WDR41: variants seen among roughly 807,000 people sequenced by gnomAD.
WDR41 encodes the protein WD repeat domain 41, also known as WD repeat-containing protein 41.
Under a neutral mutation model 69.3 loss-of-function variants are expected in WDR41, and 63 were observed. That is an observed-to-expected ratio of 0.91 (90% CI 0.74 to 1.12). The LOEUF (loss-of-function observed/expected upper bound fraction) is 1.12, where lower values mean the gene tolerates loss of function less well. Among genes scored for constraint, WDR41 ranks in the 50% most tolerant of loss-of-function variants. WDR41 has a pLI of 0.00. For synonymous variants in WDR41, 185 were observed against 192.1 expected (o/e 0.96, Z 0.31); for missense variants, 543 against 534.5 (o/e 1.02, Z -0.16).
intron 1 of WDR41, among the ~76,000 whole-genome samples, chr5:77,589,528 A>G (rs1460666010): frequency 6.6e-6 from 1 of 152,118 alleles, no homozygotes; most frequent in Non-Finnish European, 1.5e-5. Flanking sequence ...ATGTCTTCCC[A>G]TTTATTTATG....
At chr5:77,507,859 A>G (rs1464922370) in intron 1 of WDR41, among the ~76,000 whole-genome samples, 2 of 151,912 alleles carry the variant, frequency 1.3e-5, no homozygotes, top group East Asian at 1.9e-4. Flanking sequence ...TCTCTTCTCC[A>G]TTTGGAACTC....
chr5:77,475,173 C>T (rs1190661522), intron 2 of WDR41, among the ~76,000 whole-genome samples: 1 of 152,186 alleles, frequency 6.6e-6, no homozygotes, highest in African/African-American at 2.4e-5. Context: ...CCTACGCCCA[C>T]AGAGTCTCGC....
chr5:77,492,034 G>T, intron 1 of WDR41, 136 bp downstream of exon 1: 1 of 1,133,810 alleles, frequency 8.8e-7, no homozygotes, highest in Non-Finnish European at 1.2e-6. Flanking sequence ...CGTGAGAACA[G>T]CGCGTGGCAC....
At chr5:77,591,924 T>G (rs1343484689) in intron 1 of WDR41, among the ~76,000 whole-genome samples, 1 of 152,162 alleles carries the variant, frequency 6.6e-6, no homozygotes, top group Non-Finnish European at 1.5e-5. Flanking sequence ...ATCTTTTATA[T>G]TTCTACTTAT....
chr5:77,542,239 G>T (rs541073307), intron 1 of WDR41, among the ~76,000 whole-genome samples: 2 of 152,218 alleles, frequency 1.3e-5, no homozygotes, highest in South Asian at 4.1e-4. Context: ...ATGGACACAT[G>T]GGGGAGAAGA....
intron 1 of WDR41, among the ~76,000 whole-genome samples, chr5:77,548,137 T>C (rs1428903713): frequency 2.0e-5 from 3 of 152,194 alleles, no homozygotes; most frequent in Non-Finnish European, 4.4e-5. Context: ...TAACTCAAGA[T>C]GGATTAAGTA....
intron 1 of WDR41, among the ~76,000 whole-genome samples, chr5:77,618,827 G>A (rs1744726007): frequency 6.6e-6 from 1 of 152,222 alleles, no homozygotes; most frequent in Non-Finnish European, 1.5e-5. Flanking sequence ...TGCTTTGTGG[G>A]ACATCAAGGA....
At chr5:77,433,598 T>A (rs1798813698) in intron 12 of WDR41, among the ~76,000 whole-genome samples, 1 of 152,252 alleles carries the variant, frequency 6.6e-6, no homozygotes. Context: ...TTACTTATAC[T>A]GTATAATGGC....
intron 1 of WDR41, among the ~76,000 whole-genome samples, chr5:77,551,923 G>C (rs551107390): frequency 6.6e-6 from 1 of 151,482 alleles, no homozygotes; most frequent in South Asian, 2.1e-4. Flanking sequence ...AGGTTGCAGC[G>C]AGCCGAGATC....
intron 8 of WDR41, among the ~76,000 whole-genome samples, chr5:77,442,497 G>T (rs1237094752): frequency 6.6e-6 from 1 of 152,016 alleles, no homozygotes; most frequent in East Asian, 1.9e-4. Context: ...TTTAATACTG[G>T]ATAGTGGAAA....
At chr5:77,528,845 T>C (rs1442034188) in intron 1 of WDR41, among the ~76,000 whole-genome samples, 2 of 151,598 alleles carry the variant, frequency 1.3e-5, no homozygotes, top group African/African-American at 2.4e-5. Flanking sequence ...ATTATTTTTT[T>C]AAAAAAGAAC....
intron 1 of WDR41, among the ~76,000 whole-genome samples, chr5:77,517,657 T>TATATATATATATACAC (rs1491454629): frequency 8.8e-5 from 12 of 136,656 alleles, no homozygotes; most frequent in African/African-American, 3.3e-4. Flanking sequence ...TATATATATA[T>TATATATATATATACAC]ACCAGGCTAA....
At chr5:77,450,895 GT>G (rs1038136044) in intron 7 of WDR41, among the ~76,000 whole-genome samples, 4 of 152,114 alleles carry the variant, frequency 2.6e-5, no homozygotes, top group African/African-American at 9.7e-5. Context: ...CTCTATCCAG[GT>G]TATTTAATCC....
chr5:77,580,058 T>C (rs557665570), intron 1 of WDR41, among the ~76,000 whole-genome samples: 1 of 150,912 alleles, frequency 6.6e-6, no homozygotes, highest in East Asian at 2.0e-4. Context: ...AATAGAGCTA[T>C]ATAAGAGTAA....
chr5:77,572,660 A>G (rs1455179002), intron 1 of WDR41, among the ~76,000 whole-genome samples: 1 of 152,252 alleles, frequency 6.6e-6, no homozygotes, highest in Non-Finnish European at 1.5e-5. Context: ...CATCCAATGT[A>G]CTGAAAAGTT....
intron 2 of WDR41, among the ~76,000 whole-genome samples, chr5:77,485,403 G>C (rs776529909): frequency 2.6e-5 from 4 of 152,162 alleles, no homozygotes; most frequent in Non-Finnish European, 4.4e-5. Flanking sequence ...GCTATACTGA[G>C]TTTATTTACT....
At chr5:77,567,405 T>C (rs964074744) in intron 1 of WDR41, among the ~76,000 whole-genome samples, 18 of 152,050 alleles carry the variant, frequency 1.2e-4, no homozygotes, top group Non-Finnish European at 2.2e-4. Flanking sequence ...TCTTGGCTTG[T>C]TCACTGTGAT....
At chr5:77,449,612 G>A (rs1388064970) in intron 8 of WDR41, 148 bp downstream of exon 8, 10 of 599,626 alleles carry the variant, frequency 1.7e-5, no homozygotes, top group East Asian at 3.0e-5. Flanking sequence ...CAGCTCCACC[G>A]GCTAAAACTT....
chr5:77,459,683 C>T (rs1028213436), intron 4 of WDR41, among the ~76,000 whole-genome samples: 2 of 152,150 alleles, frequency 1.3e-5, no homozygotes, highest in Non-Finnish European at 2.9e-5. Flanking sequence ...AACTTTTACA[C>T]CATTTCCTAT....
Sources: allele counts gnomAD v4.1 joint callset (sites outside exome capture counted in the v4.1 genomes callset), GRCh38; gene constraint gnomAD v4.1.1; transcripts MANE v1.5; gene names NCBI Gene and HGNC (gene_info 2026-07-23, HGNC 2026-07-21).